Variants in THG1L observed in about 807,000 individuals in gnomAD.
The protein encoded by THG1L is tRNA-histidine guanylyltransferase 1 like.
In THG1L, 27 loss-of-function variants were observed where a neutral mutation model predicts 35.2. That is an observed-to-expected ratio of 0.77 (90% confidence interval 0.57 to 1.06). The LOEUF (loss-of-function observed/expected upper bound fraction) is 1.06, where lower values mean the gene tolerates loss of function less well. THG1L is among the 50% of genes least tolerant of loss of function. The pLI, the probability that THG1L is intolerant of heterozygous loss-of-function variation, is 0.00. For missense variants in THG1L, 377 were observed against 371.8 expected, an observed-to-expected ratio of 1.01 and a Z score of -0.12; for synonymous variants, 135 against 132.4, an observed-to-expected ratio of 1.02 and a Z score of -0.14.
rs1760822054 is a variant in THG1L, at chr5:157,734,641, T to TTGAGGACC, written c.435_442dup (p.Gln148LeufsTer25). ...TATGTGTTTTATTGGCGGGATTACT[T>TTGAGGACC]TGAGGACCAGCCCCTTCTGTATCCC... is the stretch of plus-strand genomic sequence containing the variant. On this transcript the variant is annotated frameshift_variant, in exon 3 of 6. Coordinates refer to ENST00000231198, the MANE Select transcript of THG1L (RefSeq NM_017872.5). LOFTEE classifies it high-confidence loss of function. The TTGAGGACC allele has an allele frequency of 6.2e-7, 1 of 1,614,152 alleles. No homozygotes were observed. The highest frequency in any genetic ancestry group is 2.2e-5 in the East Asian group (1 of 44,876).
Position 157,733,967 on chromosome 5 carries a change from C to T in THG1L, c.369-609C>T, listed in dbSNP as rs1581438923. On this transcript the variant is annotated intron_variant, in intron 2 of 5. Transcript: ENST00000231198. ...AGCCTGAGGGACAGAGAGATTCCAT[C>T]TTTTAAAAAATAAAATAAAATTTAA... Among the ~76,000 whole-genome samples the T allele has an allele frequency of 3.3e-5, 5 of 152,232 alleles. No homozygotes were observed. The South Asian group carries it at 1.0e-3, about 32-fold the overall frequency.
In THG1L at chr5:157,740,969, G is replaced by C. The variant is rs1254109910; in HGVS notation, c.*1487G>C. On this transcript the variant is annotated 3_prime_UTR_variant, in exon 6 of 6. Coordinates refer to ENST00000231198, the MANE Select transcript of THG1L (RefSeq NM_017872.5). ...ACCTGTAATCCCAGCACTTTGGGGG[G>C]CTGAGGCAGGTAGATCACTTCAGGC... 1.3e-5 allele frequency: 2 copies of C among 152,220 alleles called. No homozygotes were observed. The highest frequency in any genetic ancestry group is 1.3e-4 in the Admixed American group (2 of 15,262). The allele number at this position is 152,220 out of a possible 1,614,324, so 9.4% of individuals were successfully genotyped here. A position where few individuals can be genotyped will look rare whatever the true frequency, so the allele number is the denominator to read the frequency against.
intron 5 of THG1L, 80 bp from the exon 6 acceptor site, chr5:157,739,241 T>G: frequency 5.2e-5 from 73 of 1,401,672 alleles, no homozygotes; most frequent in Non-Finnish European, 6.8e-5. Flanking sequence ...AGATAAAAAG[T>G]GAGCTATCCC....
Position 157,740,025 on chromosome 5 carries a change from G to A in THG1L, c.*543G>A, listed in dbSNP as rs1400463932. ...AGGGAAAACTCGGGGCTTTGTGCCA[G>A]TCTCTAAGTTGGCAACTTTGGCTGA... On this transcript the variant is annotated 3_prime_UTR_variant, in exon 6 of 6. Coordinates refer to ENST00000231198, the MANE Select transcript of THG1L (RefSeq NM_017872.5). 1 of 152,254 alleles carries A rather than the reference G, an allele frequency of 6.6e-6. No homozygotes were observed. The highest frequency in any genetic ancestry group is 2.4e-5 in the African/African-American group (1 of 41,452). 9.4% of individuals were successfully genotyped at this position (152,254 alleles called of 1,614,324 possible).
intron 5 of THG1L, among the ~76,000 whole-genome samples, chr5:157,739,025 C>T (rs948639075): frequency 6.6e-6 from 1 of 151,984 alleles, no homozygotes; most frequent in African/African-American, 2.4e-5. Context: ...CTGCATGTCT[C>T]AGCCTCCCAA....
At position 157,731,621 on chromosome 5, in the gene THG1L, A is replaced by C; in HGVS notation, c.181A>C (p.Asn61His). ...GGTGGTAGTGCGGCTGGACGGCCGG[A>C]ATTTCCATCGGTGAGCGAGCTCGAC... ...CWVVVRLDGRNFHRFAEKHNF... is the reference protein window; with the variant it reads ...CWVVVRLDGRHFHRFAEKHNF... Residue 61 changes from asparagine (N) to histidine (H), a missense_variant, in exon 1 of 6, where the codon AAT (asparagine) becomes CAT (histidine). Physicochemically the swap from Asn to His is moderately conservative, Grantham distance 68. Coordinates refer to ENST00000231198, the MANE Select transcript of THG1L (RefSeq NM_017872.5). The C allele has an allele frequency of 1.3e-6, 2 of 1,597,328 alleles. No individual in the cohort carries two copies. Among genetic ancestry groups the C allele is most frequent in the Non-Finnish European group, 1.7e-6 (2 of 1,170,006 alleles).
At position 157,731,578 on chromosome 5, in the gene THG1L, C is replaced by T. The variant is rs1321299548; in HGVS notation, c.138C>T (p.Thr46=). The T allele has an allele frequency of 1.2e-6, 2 of 1,611,432 alleles. No homozygotes were observed. The highest frequency in any genetic ancestry group is 2.2e-5 in the East Asian group (1 of 44,654). The change falls in exon 1 of 6, where the codon ACC becomes ACT. Residue 46 remains threonine, a synonymous_variant. Transcript: ENST00000231198. ...EYVRDFEADD[T]CLAHCWVVVR... ...TGAGGGACTTCGAGGCTGACGACAC[C>T]TGCCTGGCACACTGCTGGGTGGTAG...
At chr5:157,731,977 A>T (rs1180211434) in intron 1 of THG1L, among the ~76,000 whole-genome samples, 1 of 152,162 alleles carries the variant, frequency 6.6e-6, no homozygotes, top group Non-Finnish European at 1.5e-5. Flanking sequence ...ATTCTGTTAG[A>T]TATCTTTGAA....
chr5:157,733,904 T>G (rs1760797386), intron 2 of THG1L, among the ~76,000 whole-genome samples: 1 of 152,054 alleles, frequency 6.6e-6, no homozygotes, highest in African/African-American at 2.4e-5. Context: ...CCAAGGAATT[T>G]GAGGCAGCAG....
In THG1L at chr5:157,734,687, C is replaced by T. The variant is rs780989852; in HGVS notation, c.480C>T (p.Val160=). 1.7e-5 allele frequency: 27 copies of T among 1,614,040 alleles called. No individual in the cohort carries two copies. Among genetic ancestry groups the T allele is most frequent in the Middle Eastern group, 1.6e-4 (1 of 6,062 alleles). Residue 160 remains valine (V), a synonymous_variant, in exon 3 of 6, where the codon GTC becomes GTT. Transcript: ENST00000231198. ...ATCCCCCAGGCTTTGACGGAAGAGT[C>T]GTGGTGTATCCCAGCAACCAGACTT... ...LLYPPGFDGR[V]VVYPSNQTLK... is the part of the protein sequence containing the mutation.
At chr5:157,736,180 C>G (rs1760883302) in intron 4 of THG1L, among the ~76,000 whole-genome samples, 1 of 151,864 alleles carries the variant, frequency 6.6e-6, no homozygotes, top group Non-Finnish European at 1.5e-5. Context: ...GGCACTGGCT[C>G]TGCATTCCCA....
Position 157,740,216 on chromosome 5 carries a change from A to G in THG1L, c.*734A>G, listed in dbSNP as rs1423639358. ...TGTGTATATATGAGAGAAAGAAACAAGAATGCGTGAATGAGGATGAAGAAA... is the reference window on the plus strand; with the variant it reads ...TGTGTATATATGAGAGAAAGAAACAGGAATGCGTGAATGAGGATGAAGAAA... On this transcript the variant is annotated 3_prime_UTR_variant, in exon 6 of 6. Transcript: ENST00000231198. The G allele has an allele frequency of 6.6e-6, 1 of 152,260 alleles. No individual in the cohort carries two copies. Among genetic ancestry groups the G allele is most frequent in the African/African-American group, 2.4e-5 (1 of 41,468 alleles). 9.4% of individuals were successfully genotyped at this position (152,260 alleles called of 1,614,324 possible). A position where few individuals can be genotyped will look rare whatever the true frequency, so the allele number is the denominator to read the frequency against.
intron 5 of THG1L, 120 bp from the exon 6 acceptor site, chr5:157,739,201 A>G: frequency 1.3e-6 from 1 of 795,756 alleles, no homozygotes; most frequent in South Asian, 1.9e-5. Context: ...ATCTATATAT[A>G]TCTCAAATCT....
At chr5:157,737,145 A>G (rs1413759177) in intron 4 of THG1L, among the ~76,000 whole-genome samples, 1 of 152,102 alleles carries the variant, frequency 6.6e-6, no homozygotes, top group African/African-American at 2.4e-5. Flanking sequence ...TGCTCAATAA[A>G]TGGTTGTCAT....
Position 157,734,751 on chromosome 5 carries a change from T to C in THG1L, c.538+6T>C, listed in dbSNP as rs1418383958. On this transcript the variant is annotated splice_donor_region_variant and intron_variant, in intron 3 of 5. Coordinates refer to ENST00000231198, the MANE Select transcript of THG1L (RefSeq NM_017872.5). ...CAGCTGGCGACAAGCAGATTGTGAGTGGCACCAAATAAACACATGTAGTTA... is the reference window on the plus strand; with the variant it reads ...CAGCTGGCGACAAGCAGATTGTGAGCGGCACCAAATAAACACATGTAGTTA... 1 of 1,614,068 alleles carries C rather than the reference T, an allele frequency of 6.2e-7. No individual in the cohort carries two copies. The highest frequency in any genetic ancestry group is 2.2e-5 in the East Asian group (1 of 44,870).
At position 157,739,550 on chromosome 5, in the gene THG1L, T is replaced by C. The variant is rs1760981122; in HGVS notation, c.*68T>C. The C allele has an allele frequency of 6.5e-7, 1 of 1,530,264 alleles. No individual in the cohort carries two copies. The highest frequency in any genetic ancestry group is 8.8e-7 in the Non-Finnish European group (1 of 1,136,928). 94.8% of individuals were successfully genotyped at this position (1,530,264 alleles called of 1,614,324 possible). On this transcript the variant is annotated 3_prime_UTR_variant, in exon 6 of 6. Transcript: ENST00000231198. ...CTCCCACCTCCCAGGGCTCCTTGCC[T>C]TAGGTGGCTGTAGCATCCCTACCAC...
intron 5 of THG1L, 49 bp from the exon 6 acceptor site, chr5:157,739,272 C>T: frequency 1.9e-6 from 3 of 1,582,916 alleles, no homozygotes; most frequent in Non-Finnish European, 2.6e-6. Context: ...CTTTCTCTCC[C>T]AAACCCACTC....
At chr5:157,739,112 C>T (rs1284880935) in intron 5 of THG1L, among the ~76,000 whole-genome samples, 2 of 151,994 alleles carry the variant, frequency 1.3e-5, no homozygotes, top group African/African-American at 2.4e-5. Context: ...TTATAAAGAA[C>T]TTCATGCATA....
rs1441027062 is a variant in THG1L, at chr5:157,733,858, G to A, written c.369-718G>A. Among the ~76,000 whole-genome samples the A allele has an allele frequency of 4.6e-5, 7 of 152,202 alleles. No individual in the cohort carries two copies. In the East Asian group the frequency reaches 1.3e-3, roughly 29 times the overall value. On this transcript the variant is annotated intron_variant, in intron 2 of 5. Transcript: ENST00000231198. The stretch of plus-strand genomic sequence containing the variant: ...TCAGTGGCATGTGCCTATAGTCACA[G>A]CTACTAAGGAGGTTGAGGCAGGAGG...
Sources: gnomAD v4.1 joint callset for allele counts (sites outside exome capture counted in the v4.1 genomes callset) on GRCh38, gnomAD v4.1.1 for gene constraint, MANE v1.5 for transcripts, NCBI Gene and HGNC (gene_info 2026-07-23, HGNC 2026-07-21) for gene names.